STX11: variants seen among roughly 807,000 people sequenced by gnomAD.
The protein encoded by STX11 is syntaxin 11, also known as syntaxin-11.
A neutral mutation model predicts 19.9 loss-of-function variants in STX11; 21 were observed. That is an observed-to-expected ratio of 1.06 (90% CI 0.75 to 1.52). The LOEUF is 1.52. Among genes scored for constraint, STX11 ranks in the 40% most tolerant of loss-of-function variants. STX11 has a pLI of 0.00. For synonymous variants in STX11, 193 were observed against 174.4 expected, an observed-to-expected ratio of 1.11 and a Z score of -0.84; for missense variants, 438 against 405.9, an observed-to-expected ratio of 1.08 and a Z score of -0.68.
intron 1 of STX11, among the ~76,000 whole-genome samples, chr6:144,164,364 A>G (rs987628889): frequency 2.6e-5 from 4 of 152,252 alleles, no homozygotes; most frequent in Admixed American, 6.5e-5. Flanking sequence ...AATACTCAAC[A>G]TAAGTAAAAG....
Position 144,190,578 on chromosome 6 carries a change from T to C in STX11, c.*3087T>C, listed in dbSNP as rs1398388279. On this transcript the variant is annotated 3_prime_UTR_variant, in exon 2 of 2. Coordinates refer to ENST00000367568, the MANE Select transcript of STX11 (RefSeq NM_003764.4). ...CCAAGACCCCATCTTCTGTGAATAT[T>C]AGGGCTTTTTTTTTTTTGACAGTCA... Among the ~76,000 whole-genome samples the C allele has an allele frequency of 6.6e-6, 1 of 151,524 alleles. No individual in the cohort carries two copies. Among genetic ancestry groups the C allele is most frequent in the Non-Finnish European group, 1.5e-5 (1 of 67,882 alleles).
At chr6:144,181,661 A>T (rs1328111153) in intron 1 of STX11, among the ~76,000 whole-genome samples, 1 of 149,730 alleles carries the variant, frequency 6.7e-6, no homozygotes, top group Non-Finnish European at 1.5e-5. Flanking sequence ...AAATTTGAGT[A>T]TGCATTATAA....
chr6:144,140,256 T>TATATATATATATATA, the STX11 span, among the ~76,000 whole-genome samples: 3 of 74,016 alleles, frequency 4.1e-5, no homozygotes, highest in Admixed American at 2.0e-4. Flanking sequence ...ATATATATAT[T>TATATATATATATATA]TATTTATTTA....
upstream of STX11, among the ~76,000 whole-genome samples, chr6:144,147,165 TA>T (rs201004512): frequency 0.12 from 17,697 of 143,232 alleles, 1,388 homozygotes; most frequent in African/African-American, 0.23. This position sits in a 1 kb window ranked among gnomAD's most constrained non-coding sequence, Gnocchi z 4.2. Flanking sequence ...AGCTTCTAAT[TA>T]AAAAAAAAAA....
rs57875268 is a variant in STX11 at position 144,172,538 on chromosome 6, C to T, written c.-5-14085C>T. 0.01 allele frequency among the ~76,000 whole-genome samples: 1,590 copies of T among 152,166 alleles called. 26 individuals are homozygous for T. Among genetic ancestry groups the T allele is most frequent in the African/African-American group, 0.035 (1,446 of 41,482 alleles). On this transcript the variant is annotated intron_variant, in intron 1 of 1. Transcript: ENST00000367568. The surrounding 1 kb of genome is among the most constrained non-coding windows in gnomAD (Gnocchi z 4.2). ...AAACTGATTCAAAGGGTAGAGAGAC[C>T]GACACCACTTCTTGATGGGACGTGC... is the stretch of plus-strand genomic sequence containing the variant.
In STX11 at chr6:144,186,814, A is replaced by G. The variant is rs1030221716; in HGVS notation, c.187A>G (p.Lys63Glu). 27 of 1,613,758 alleles carry G rather than the reference A, an allele frequency of 1.7e-5. No individual in the cohort carries two copies. Among genetic ancestry groups the G allele is most frequent in the Non-Finnish European group, 2.2e-5 (26 of 1,179,998 alleles). The change falls in exon 2 of 2, where the codon AAG becomes GAG. Residue 63 changes from lysine (K) to glutamate (E), a missense_variant. Coordinates refer to ENST00000367568, the MANE Select transcript of STX11 (RefSeq NM_003764.4). ...DENQLLVADVKRLGKQNARFL... is the reference protein window; with the variant it reads ...DENQLLVADVERLGKQNARFL... ...AAACCAGCTGCTGGTGGCCGACGTGAAGCGGCTGGGAAAGCAGAACGCCCG... is the reference window on the plus strand; with the variant it reads ...AAACCAGCTGCTGGTGGCCGACGTGGAGCGGCTGGGAAAGCAGAACGCCCG...
chr6:144,166,516 T>C lies in STX11; in HGVS notation c.-6+15813T>C, dbSNP rs548195963. Among the ~76,000 whole-genome samples, 4 of 149,956 alleles carry C rather than the reference T, an allele frequency of 2.7e-5. No individual in the cohort carries two copies. In the South Asian group the frequency reaches 8.4e-4, roughly 31 times the overall value. On this transcript the variant is annotated intron_variant, in intron 1 of 1. Coordinates refer to ENST00000367568, the MANE Select transcript of STX11 (RefSeq NM_003764.4). ...TCTTCCTTTCTTTCTGTTTCTTTTC[T>C]TTTCTTTCCTTTTTTTTTTTTTTTT...
rs1257459652 is a variant in STX11, at chr6:144,186,641, T to C, written c.14T>C (p.Leu5Pro). MKDRLAELLDLSKQY... is the reference protein window; with the variant it reads MKDRPAELLDLSKQY... Reference sequence around the variant, plus strand: ...CTTGCAGGCAAAATGAAAGACCGGCTAGCAGAACTTCTGGACTTGTCCAAG... The same window carrying C: ...CTTGCAGGCAAAATGAAAGACCGGCCAGCAGAACTTCTGGACTTGTCCAAG... Residue 5 changes from leucine (L) to proline (P), a missense_variant, in exon 2 of 2, where the codon CTA becomes CCA. Coordinates refer to ENST00000367568, the MANE Select transcript of STX11 (RefSeq NM_003764.4). The C allele has an allele frequency of 6.2e-7, 1 of 1,614,106 alleles. No homozygotes were observed.
chr6:144,150,072 C>T (rs1186990474), upstream of STX11, among the ~76,000 whole-genome samples: 3 of 152,216 alleles, frequency 2.0e-5, no homozygotes, highest in Non-Finnish European at 2.9e-5. Context: ...GCAGGCTCCT[C>T]GCCCGCGTCC....
chr6:144,165,638 T>A lies in STX11; in HGVS notation c.-6+14935T>A, dbSNP rs1234662576. On this transcript the variant is annotated intron_variant, in intron 1 of 1. Coordinates refer to ENST00000367568, the MANE Select transcript of STX11 (RefSeq NM_003764.4). The surrounding 1 kb of genome is among the most constrained non-coding windows in gnomAD (Gnocchi z 5.8). ...AGTAATATAAAAACTAATAATAGAA[T>A]CATTCTTTGGTTTTATAGAATCATT... Among the ~76,000 whole-genome samples the A allele has an allele frequency of 6.6e-6, 1 of 152,194 alleles. No homozygotes were observed. The highest frequency in any genetic ancestry group is 6.5e-5 in the Admixed American group (1 of 15,282).
Position 144,155,940 on chromosome 6 carries a change from A to ATCTATCCTT in STX11, c.-6+5240_-6+5241insATCCTTTCT, listed in dbSNP as rs1425569407. On this transcript the variant is annotated intron_variant, in intron 1 of 1. Transcript: ENST00000367568. This position sits in a 1 kb window ranked among gnomAD's most constrained non-coding sequence, Gnocchi z 4.5. ...CTAATTAAATGTGTTTTAAAATTTA[A>ATCTATCCTT]TCTTTCTTTCTTTCTTTCTTTCTTT... Among the ~76,000 whole-genome samples, 426 of 119,928 alleles carry ATCTATCCTT rather than the reference A, an allele frequency of 3.6e-3. 21 individuals are homozygous for ATCTATCCTT. The highest frequency in any genetic ancestry group is 0.012 in the African/African-American group (384 of 31,200). The allele number at this position is 119,928 out of a possible 152,430, so 78.7% of individuals were successfully genotyped here.
At chr6:144,164,719 G>T (rs1288193821) in intron 1 of STX11, among the ~76,000 whole-genome samples, 1 of 152,040 alleles carries the variant, frequency 6.6e-6, no homozygotes, top group Non-Finnish European at 1.5e-5. Context: ...TTGAGACAGA[G>T]TTTTGCTCTT....
chr6:144,174,826 A>G lies in STX11; in HGVS notation c.-5-11797A>G, dbSNP rs1584043508. On this transcript the variant is annotated intron_variant, in intron 1 of 1. Coordinates refer to ENST00000367568, the MANE Select transcript of STX11 (RefSeq NM_003764.4). This position sits in a 1 kb window ranked among gnomAD's most constrained non-coding sequence, Gnocchi z 5.3. ...TTGATGTATTCATGGTTCTGATACT[A>G]TCTGGTACTACAATACTAACATTAG... Among the ~76,000 whole-genome samples, 1 of 152,104 alleles carries G rather than the reference A, an allele frequency of 6.6e-6. No homozygotes were observed. The highest frequency in any genetic ancestry group is 1.9e-4 in the East Asian group (1 of 5,194).
At chr6:144,145,087 T>A in the STX11 span, among the ~76,000 whole-genome samples, 69 of 152,310 alleles carry the variant, frequency 4.5e-4, no homozygotes, top group Non-Finnish European at 7.9e-4. Flanking sequence ...CAAAGAGATA[T>A]TTGTACACTC....
chr6:144,151,471 A>C lies in STX11; in HGVS notation c.-6+768A>C. The C allele has an allele frequency of 1.0e-6, 1 of 977,898 alleles. No homozygotes were observed. Among genetic ancestry groups the C allele is most frequent in the Non-Finnish European group, 1.2e-6 (1 of 823,064 alleles). The allele number at this position is 977,898 out of a possible 1,614,324, so 60.6% of individuals were successfully genotyped here. On this transcript the variant is annotated intron_variant, in intron 1 of 1. Coordinates refer to ENST00000367568, the MANE Select transcript of STX11 (RefSeq NM_003764.4). This position sits in a 1 kb window ranked among gnomAD's most constrained non-coding sequence, Gnocchi z 4.6. Reference sequence around the variant, plus strand: ...AGACTTTGTTAATGAACTTTTGAAAAGCGAGGCTTGCTTTAAAATGAGACT... The same window carrying C: ...AGACTTTGTTAATGAACTTTTGAAACGCGAGGCTTGCTTTAAAATGAGACT...
rs747288617 is a variant in STX11 at position 144,155,940 on chromosome 6, A to ATCTTTCTTTCTT, written c.-6+5301_-6+5312dup. Among the ~76,000 whole-genome samples the ATCTTTCTTTCTT allele has an allele frequency of 1.3e-4, 16 of 119,836 alleles. No homozygotes were observed. The highest frequency in any genetic ancestry group is 3.0e-4 in the South Asian group (1 of 3,358). 78.6% of individuals were successfully genotyped at this position (119,836 alleles called of 152,430 possible). On this transcript the variant is annotated intron_variant, in intron 1 of 1. Coordinates refer to ENST00000367568, the MANE Select transcript of STX11 (RefSeq NM_003764.4). The surrounding 1 kb of genome is among the most constrained non-coding windows in gnomAD (Gnocchi z 4.5). ...CTAATTAAATGTGTTTTAAAATTTA[A>ATCTTTCTTTCTT]TCTTTCTTTCTTTCTTTCTTTCTTT... is the stretch of plus-strand genomic sequence containing the variant.
chr6:144,145,141 A>G, the STX11 span, among the ~76,000 whole-genome samples: 1 of 152,228 alleles, frequency 6.6e-6, no homozygotes, highest in Non-Finnish European at 1.5e-5. Flanking sequence ...GGGTGGAAGC[A>G]ACGCAAGTGT....
At chr6:144,164,751 T>A (rs1295727364) in intron 1 of STX11, among the ~76,000 whole-genome samples, 1 of 152,230 alleles carries the variant, frequency 6.6e-6, no homozygotes, top group Non-Finnish European at 1.5e-5. Context: ...TGGAGTGCAG[T>A]GGCACAATCT....
chr6:144,176,469 A>G lies in STX11; in HGVS notation c.-5-10154A>G, dbSNP rs1046121832. 6.6e-6 allele frequency among the ~76,000 whole-genome samples: 1 copy of G among 152,190 alleles called. No individual in the cohort carries two copies. Among genetic ancestry groups the G allele is most frequent in the African/African-American group, 2.4e-5 (1 of 41,446 alleles). On this transcript the variant is annotated intron_variant, in intron 1 of 1. Transcript: ENST00000367568. This position sits in a 1 kb window ranked among gnomAD's most constrained non-coding sequence, Gnocchi z 4.1. ...ACAATGACTGGTTTGGGGTGCACAC[A>G]GTCTGTCACTGAGATTCGTTTTTCC...
Sources: allele counts gnomAD v4.1 joint callset (sites outside exome capture counted in the v4.1 genomes callset), GRCh38; gene constraint gnomAD v4.1.1; non-coding constraint Gnocchi (gnomAD v3.1); transcripts MANE v1.5; gene names NCBI Gene and HGNC (gene_info 2026-07-23, HGNC 2026-07-21).